The following FMN2 variants were observed in gnomAD, a reference collection of about 807,000 sequenced individuals.
The protein encoded by FMN2 is formin-2.
Under a neutral mutation model 142.3 loss-of-function variants are expected in FMN2, and 51 were observed. That is an observed-to-expected ratio of 0.36 (90% confidence interval 0.29 to 0.45). FMN2 has a LOEUF of 0.45. Ranked by LOEUF, FMN2 falls within the 20% of genes least tolerant of loss-of-function variation. The pLI, the probability that FMN2 is intolerant of heterozygous loss-of-function variation, is 1.00. For synonymous variants in FMN2, 882 were observed against 869.8 expected, an observed-to-expected ratio of 1.01 and a Z score of -0.25; for missense variants, 1,936 against 2,122.8, an observed-to-expected ratio of 0.91 and a Z score of 1.73.
chr1:240,239,208 A>G (rs576987096), intron 6 of FMN2, among the ~76,000 whole-genome samples: 60 of 152,346 alleles, frequency 3.9e-4, no homozygotes, highest in Non-Finnish European at 6.5e-4. Context: ...CTCTGGGACA[A>G]TAGAGTTGAA....
intron 1 of FMN2, among the ~76,000 whole-genome samples, chr1:240,122,590 C>A (rs527495156): frequency 2.0e-5 from 3 of 152,114 alleles, no homozygotes; most frequent in Admixed American, 6.6e-5. Flanking sequence ...GCCTTGGATC[C>A]AAATTTAAAT....
At position 240,211,204 on chromosome 1, in the gene FMN2, C is replaced by T; in HGVS notation, c.4034C>T (p.Ser1345Phe). Residue 1345 changes from serine to phenylalanine, a missense_variant, in exon 6 of 18, where the codon TCT becomes TTT. By Grantham distance (155) the Ser-to-Phe change is radical. This residue lies in a region of FMN2 where 259 missense variants were observed against 230.9 expected (regional missense o/e 1.12). Coordinates refer to ENST00000319653, the MANE Select transcript of FMN2 (RefSeq NM_020066.5). ...GTAAAGGAGAGAAAGAAACCTATCTCTGATACTATCTCAAAGACGAAGGCT... is the reference window on the plus strand; with the variant it reads ...GTAAAGGAGAGAAAGAAACCTATCTTTGATACTATCTCAAAGACGAAGGCT... ...TAVKERKKPI[S>F]DTISKTKAKQ... 6.2e-7 allele frequency: 1 copy of T among 1,612,168 alleles called. No individual in the cohort carries two copies. The highest frequency in any genetic ancestry group is 8.5e-7 in the Non-Finnish European group (1 of 1,179,486).
intron 8 of FMN2, among the ~76,000 whole-genome samples, chr1:240,322,486 G>A (rs1572191656): frequency 6.6e-6 from 1 of 152,100 alleles, no homozygotes; most frequent in African/African-American, 2.4e-5. Flanking sequence ...GACAGAGAGA[G>A]GATTTAGAGA....
Position 240,329,481 on chromosome 1 carries a change from C to A in FMN2, c.4437+13C>A, listed in dbSNP as rs768984803. The A allele has an allele frequency of 1.2e-6, 2 of 1,609,952 alleles. No homozygotes were observed. Among genetic ancestry groups the A allele is most frequent in the South Asian group, 1.1e-5 (1 of 90,122 alleles). ...GAAATTGTGTGAGGTGAGTTCTGGT[C>A]CAAAGAGAGCTGAACTTGAGTCTCA... On this transcript the variant is annotated intron_variant, in intron 10 of 17. Coordinates refer to ENST00000319653, the MANE Select transcript of FMN2 (RefSeq NM_020066.5).
intron 2 of FMN2, among the ~76,000 whole-genome samples, chr1:240,131,831 C>A (rs1008886635): frequency 8.5e-5 from 13 of 152,200 alleles, no homozygotes; most frequent in African/African-American, 3.1e-4. Flanking sequence ...GAAAGGAGAC[C>A]AGGGATGTAA....
chr1:240,434,393 G>A (rs1363495949), intron 15 of FMN2, among the ~76,000 whole-genome samples: 1 of 152,096 alleles, frequency 6.6e-6, no homozygotes, highest in African/African-American at 2.4e-5. Context: ...ACCCAAGTGG[G>A]TCTCTTTCGT....
chr1:240,176,340 A>C (rs1664910117), intron 2 of FMN2, among the ~76,000 whole-genome samples: 1 of 152,236 alleles, frequency 6.6e-6, no homozygotes, highest in African/African-American at 2.4e-5. Flanking sequence ...AGCCTATCCA[A>C]GCTGACTTGA....
At chr1:240,119,405 C>T (rs1662149861) in intron 1 of FMN2, among the ~76,000 whole-genome samples, 1 of 151,822 alleles carries the variant, frequency 6.6e-6, no homozygotes, top group Non-Finnish European at 1.5e-5. Flanking sequence ...CTAGTTATCA[C>T]TAAAGAAGGA....
chr1:240,270,891 T>C (rs1013137832), intron 7 of FMN2, among the ~76,000 whole-genome samples: 7 of 151,858 alleles, frequency 4.6e-5, no homozygotes, highest in Non-Finnish European at 7.4e-5. Flanking sequence ...AAGTCTCATT[T>C]AGATAGGAGG....
chr1:240,455,332 G>T (rs541088920), intron 16 of FMN2, among the ~76,000 whole-genome samples: 1 of 152,104 alleles, frequency 6.6e-6, no homozygotes, highest in East Asian at 1.9e-4. Flanking sequence ...AGAAAACATC[G>T]CAAGATCCCC....
rs1437981558 is a variant in FMN2, at chr1:240,473,717, G to A, written c.5143-411G>A. Among the ~76,000 whole-genome samples, 5 of 152,164 alleles carry A rather than the reference G, an allele frequency of 3.3e-5. No individual in the cohort carries two copies. The highest frequency in any genetic ancestry group is 6.8e-3 in the Middle Eastern group (2 of 294). On this transcript the variant is annotated intron_variant, in intron 17 of 17. Coordinates refer to ENST00000319653, the MANE Select transcript of FMN2 (RefSeq NM_020066.5). The surrounding 1 kb of genome is among the most constrained non-coding windows in gnomAD (Gnocchi z 4.3). ...TCAGTCTTATAACTGTATTGAATGT[G>A]GAGGAATAGTTACTTATTAGTGAAC...
intron 8 of FMN2, 40 bp downstream of exon 8, chr1:240,294,923 T>C (rs1279641906): frequency 6.5e-7 from 1 of 1,536,700 alleles, no homozygotes. Flanking sequence ...GTATATAATA[T>C]GTACACAGTA....
chr1:240,355,949 A>G (rs1672250497), intron 14 of FMN2, 41 bp downstream of exon 14: 1 of 246,752 alleles, frequency 4.1e-6, no homozygotes, highest in South Asian at 5.6e-5. Context: ...CTCCCCTTTC[A>G]GCAAAAAAAA....
At chr1:240,118,087 G>A (rs1232270287) in intron 1 of FMN2, among the ~76,000 whole-genome samples, 2 of 152,182 alleles carry the variant, frequency 1.3e-5, no homozygotes, top group Non-Finnish European at 2.9e-5. Flanking sequence ...GTGAGAGTGA[G>A]CTCAGTGTGT....
chr1:240,377,321 T>C (rs1287289068), intron 14 of FMN2, among the ~76,000 whole-genome samples: 3 of 152,128 alleles, frequency 2.0e-5, no homozygotes, highest in African/African-American at 7.2e-5. Flanking sequence ...GGTTTTTTTT[T>C]TTTCTTTCTG....
At chr1:240,455,272 A>G (rs1479025101) in intron 16 of FMN2, among the ~76,000 whole-genome samples, 1 of 75,960 alleles carries the variant, frequency 1.3e-5, no homozygotes, top group Admixed American at 1.5e-4. Context: ...GTGGTGGCTC[A>G]CCGGGGCAGG....
At chr1:240,301,899 TCAC>T (rs1202582142) in intron 8 of FMN2, among the ~76,000 whole-genome samples, 1 of 136,732 alleles carries the variant, frequency 7.3e-6, no homozygotes, top group African/African-American at 2.8e-5. Context: ...TTGTGATTTT[TCAC>T]CACATTTGAC....
At chr1:240,189,379 T>A (rs1665613908) in intron 4 of FMN2, among the ~76,000 whole-genome samples, 1 of 152,204 alleles carries the variant, frequency 6.6e-6, no homozygotes, top group Admixed American at 6.5e-5. Flanking sequence ...AGGAGACACA[T>A]ACTTGGGTTT....
At position 240,092,443 on chromosome 1, in the gene FMN2, C is replaced by T; in HGVS notation, c.334C>T (p.His112Tyr). 1 of 1,610,574 alleles carries T rather than the reference C, an allele frequency of 6.2e-7. No homozygotes were observed. Among genetic ancestry groups the T allele is most frequent in the Non-Finnish European group, 8.5e-7 (1 of 1,178,574 alleles). Residue 112 changes from histidine to tyrosine, a missense_variant, in exon 1 of 18, where the codon CAC (histidine) becomes TAC (tyrosine). Around this residue, in one of 8 missense-constraint regions of FMN2, gnomAD observed 751 missense variants for 791.8 expected, o/e 0.95. Transcript: ENST00000319653. ...GCAGACCGGGGAGCTGGACAGCGCTCACTCCCTGCTCACCAAGACTCCAGA... is the reference window on the plus strand; with the variant it reads ...GCAGACCGGGGAGCTGGACAGCGCTTACTCCCTGCTCACCAAGACTCCAGA... ...ALQTGELDSAHSLLTKTPDLS... is the reference protein window; with the variant it reads ...ALQTGELDSAYSLLTKTPDLS...
Sources: gnomAD v4.1 joint callset for allele counts (sites outside exome capture counted in the v4.1 genomes callset) on GRCh38, gnomAD v4.1.1 for gene constraint, gnomAD v4.1.1 regional missense constraint, Gnocchi (gnomAD v3.1) non-coding constraint, MANE v1.5 for transcripts, NCBI Gene and HGNC (gene_info 2026-07-23, HGNC 2026-07-21) for gene names.